CLASP2: variants seen among roughly 807,000 people sequenced by gnomAD.
The protein encoded by CLASP2 is cytoplasmic linker associated protein 2.
A neutral mutation model predicts 194.4 loss-of-function variants in CLASP2; 47 were observed. The ratio of observed to expected loss-of-function variants is 0.24; its 90% CI spans 0.19 to 0.31. The LOEUF (loss-of-function observed/expected upper bound fraction) is 0.31. CLASP2 is among the 10% of genes least tolerant of loss of function. The probability of loss-of-function intolerance (pLI) is 1.00; values close to 1 mark genes in which losing one functional copy is unlikely to be tolerated. For missense variants in CLASP2, 1,445 were observed against 1,823.6 expected, an observed-to-expected ratio of 0.79 and a Z score of 3.78; for synonymous variants, 619 against 633.5, an observed-to-expected ratio of 0.98 and a Z score of 0.34.
At chr3:33,601,678 T>C (rs1257572180) in intron 18 of CLASP2, among the ~76,000 whole-genome samples, 1 of 152,214 alleles carries the variant, frequency 6.6e-6, no homozygotes, top group Non-Finnish European at 1.5e-5. Flanking sequence ...TCAAGTTGCT[T>C]TATGTTTTTA....
chr3:33,519,363 A>G (rs1258670476), intron 34 of CLASP2, among the ~76,000 whole-genome samples: 4 of 152,080 alleles, frequency 2.6e-5, no homozygotes, highest in Admixed American at 2.6e-4. Context: ...GCCCGATTGT[A>G]ATGTGGGCAG....
At chr3:33,645,939 C>T (rs1045040941) in intron 7 of CLASP2, among the ~76,000 whole-genome samples, 3 of 107,390 alleles carry the variant, frequency 2.8e-5, no homozygotes, top group Admixed American at 9.3e-5. Context: ...TACACACACA[C>T]ACACACACAC....
At chr3:33,549,154 T>C (rs923649066) in intron 30 of CLASP2, among the ~76,000 whole-genome samples, 1 of 152,194 alleles carries the variant, frequency 6.6e-6, no homozygotes, top group African/African-American at 2.4e-5. Flanking sequence ...AGCTAAAGGT[T>C]TGTCAATTTT....
intron 30 of CLASP2, among the ~76,000 whole-genome samples, chr3:33,546,351 T>TA (rs1036263821): frequency 1.3e-5 from 2 of 152,226 alleles, no homozygotes; most frequent in African/African-American, 4.8e-5. Flanking sequence ...ATTTCTGTAC[T>TA]AACACCACAT....
intron 20 of CLASP2, among the ~76,000 whole-genome samples, chr3:33,593,573 C>CA (rs1392014763): frequency 2.0e-5 from 3 of 152,132 alleles, no homozygotes; most frequent in South Asian, 4.2e-4. Flanking sequence ...AAAACAGAAT[C>CA]AAAACCAGAA....
At chr3:33,544,986 G>A in intron 30 of CLASP2, 145 bp from the exon 31 acceptor site, 1 of 492,888 alleles carries the variant, frequency 2.0e-6, no homozygotes, top group Non-Finnish European at 3.2e-6. Flanking sequence ...CTTTCAAACT[G>A]TTTTGCTGGA....
At chr3:33,677,393 T>C (rs1398511634) in intron 6 of CLASP2, among the ~76,000 whole-genome samples, 1 of 151,768 alleles carries the variant, frequency 6.6e-6, no homozygotes, top group Non-Finnish European at 1.5e-5. Context: ...GATGAGTTCA[T>C]GTCCTTTGTA....
intron 34 of CLASP2, among the ~76,000 whole-genome samples, chr3:33,532,319 G>A (rs1392158715): frequency 6.6e-6 from 1 of 152,170 alleles, no homozygotes; most frequent in Non-Finnish European, 1.5e-5. Flanking sequence ...CTTAAGAGTA[G>A]ACAAAAATCA....
At chr3:33,664,873 G>A (rs556241589) in intron 6 of CLASP2, among the ~76,000 whole-genome samples, 4 of 151,972 alleles carry the variant, frequency 2.6e-5, no homozygotes, top group Non-Finnish European at 4.4e-5. Context: ...GCCAAGCAGC[G>A]CAGATCACCT....
intron 1 of CLASP2, among the ~76,000 whole-genome samples, chr3:33,710,337 AT>A (rs1018733949): frequency 1.3e-5 from 2 of 152,244 alleles, no homozygotes; most frequent in Non-Finnish European, 2.9e-5. Context: ...TGGATAAAAA[AT>A]GTTTTTAATT....
In CLASP2 at chr3:33,713,012, C is replaced by CAAAAA. The variant is rs57940200; in HGVS notation, c.195+4791_195+4795dup. On this transcript the variant is annotated intron_variant, in intron 1 of 38. Transcript: ENST00000682230. ...GGGCGACAAGAGCAAAACTCCACCT[C>CAAAAA]AAAAAAAAAAAAAAAAAAAAAAAAA... is the stretch of plus-strand genomic sequence containing the variant. 1.6e-3 allele frequency among the ~76,000 whole-genome samples: 76 copies of CAAAAA among 46,996 alleles called. 1 individual carries two copies. Among genetic ancestry groups the CAAAAA allele is most frequent in the African/African-American group, 5.1e-3 (65 of 12,834 alleles). The allele number at this position is 46,996 out of a possible 152,430, so 30.8% of individuals were successfully genotyped here.
intron 18 of CLASP2, chr3:33,602,282 G>C (rs1228452582): frequency 2.2e-6 from 1 of 457,548 alleles, no homozygotes; most frequent in Admixed American, 3.6e-5. Context: ...AAATACCTTT[G>C]AGTGTCATGT....
At chr3:33,683,288 A>G (rs1006694433) in intron 6 of CLASP2, 2 of 152,224 alleles carry the variant, frequency 1.3e-5, no homozygotes, top group Admixed American at 6.5e-5. Context: ...TTAAATGGTG[A>G]TAACATATAT....
chr3:33,633,873 T>C (rs1454968912), intron 8 of CLASP2, among the ~76,000 whole-genome samples: 3 of 152,076 alleles, frequency 2.0e-5, no homozygotes, highest in East Asian at 3.8e-4. Context: ...CATAAAGAGA[T>C]ACAAAGGACA....
intron 22 of CLASP2, among the ~76,000 whole-genome samples, chr3:33,582,622 C>T (rs546200499): frequency 6.6e-6 from 1 of 152,150 alleles, no homozygotes; most frequent in Non-Finnish European, 1.5e-5. Context: ...TCATTCACTG[C>T]ACTCCAGACT....
chr3:33,603,043 T>G lies in CLASP2; in HGVS notation c.1833A>C (p.Ala611=), dbSNP rs1339632572. Residue 611 remains alanine (A), a synonymous_variant, in exon 18 of 39, where the codon GCA becomes GCC. Coordinates refer to ENST00000682230, the MANE Select transcript of CLASP2 (RefSeq NM_001365631.1). Reference sequence around the variant, plus strand: ...CAGCAGCATGATGTGCCTTGGCACCTGCAGCAGCATTCACATCAATGTCAC... The same window carrying G: ...CAGCAGCATGATGTGCCTTGGCACCGGCAGCAGCATTCACATCAATGTCAC... The part of the protein sequence containing the change: ...SRSDIDVNAA[A]GAKAHHAAGQ... 6 of 1,603,794 alleles carry G rather than the reference T, an allele frequency of 3.7e-6. No homozygotes were observed. The African/African-American group carries it at 8.0e-5, about 21-fold the overall frequency.
intron 29 of CLASP2, among the ~76,000 whole-genome samples, chr3:33,556,526 C>T (rs1249919908): frequency 4.0e-5 from 6 of 151,730 alleles, no homozygotes. Context: ...TCCTCTGCCT[C>T]CTGGGTTCAA....
At chr3:33,622,558 C>T (rs962712980) in intron 10 of CLASP2, among the ~76,000 whole-genome samples, 7 of 152,068 alleles carry the variant, frequency 4.6e-5, no homozygotes, top group African/African-American at 1.7e-4. Flanking sequence ...TTAAGGGAAT[C>T]TATTTTATTT....
intron 34 of CLASP2, among the ~76,000 whole-genome samples, chr3:33,523,250 T>C (rs2053632943): frequency 6.6e-6 from 1 of 152,044 alleles, no homozygotes; most frequent in Non-Finnish European, 1.5e-5. Flanking sequence ...GAAAAACTAT[T>C]TGAAAAAATT....
Sources: allele counts gnomAD v4.1 joint callset (sites outside exome capture counted in the v4.1 genomes callset), GRCh38; gene constraint gnomAD v4.1.1; transcripts MANE v1.5; gene names NCBI Gene and HGNC (gene_info 2026-07-23, HGNC 2026-07-21).